The following CORO1C variants were observed in gnomAD, a reference collection of about 807,000 sequenced individuals.
CORO1C encodes coronin 1C.
A neutral mutation model predicts 51.2 loss-of-function variants in CORO1C; 14 were observed. The observed-to-expected ratio is 0.27, with a 90% confidence interval of 0.18 to 0.43. The LOEUF is 0.43. Among genes scored for constraint, CORO1C ranks in the 20% least tolerant of loss-of-function variants. The pLI is 1.00. For synonymous variants in CORO1C, 181 were observed against 210.5 expected, an observed-to-expected ratio of 0.86 and a Z score of 1.21; for missense variants, 417 against 607.8, an observed-to-expected ratio of 0.69 and a Z score of 3.30.
Position 108,647,324 on chromosome 12 carries a change from C to G in CORO1C, c.*79G>C, listed in dbSNP as rs1381021697. Reference sequence around the variant, plus strand: ...ATGGCAGTGCCTCCCTTTCCGCCCTCCCTAGGACCACACCAATAACCAGCT... The same window carrying G: ...ATGGCAGTGCCTCCCTTTCCGCCCTGCCTAGGACCACACCAATAACCAGCT... On this transcript the variant is annotated 3_prime_UTR_variant, in exon 11 of 11. Transcript: ENST00000261401. 1.1e-5 allele frequency: 17 copies of G among 1,482,278 alleles called. No homozygotes were observed. The highest frequency in any genetic ancestry group is 1.8e-4 in the Middle Eastern group (1 of 5,654). 91.8% of individuals were successfully genotyped at this position (1,482,278 alleles called of 1,614,324 possible).
In CORO1C at chr12:108,658,692, C is replaced by CGAGTT. The variant is rs2033128280; in HGVS notation, c.630+45_630+46insAACTC. 1.9e-6 allele frequency: 3 copies of CGAGTT among 1,583,594 alleles called. No individual in the cohort carries two copies. Among genetic ancestry groups the CGAGTT allele is most frequent in the Non-Finnish European group, 2.6e-6 (3 of 1,154,750 alleles). On this transcript the variant is annotated intron_variant, in intron 5 of 10. Coordinates refer to ENST00000261401, the MANE Select transcript of CORO1C (RefSeq NM_014325.4). The surrounding 1 kb of genome is among the most constrained non-coding windows in gnomAD (Gnocchi z 4.9). ...CCTTAAAAAGCAGAAAGCTCACACT[C>CGAGTT]ACTCAAGTGCTCCAACTACTGAGTT... is the stretch of plus-strand genomic sequence containing the variant.
chr12:108,710,387 T>C (rs2136875295), intron 1 of CORO1C, among the ~76,000 whole-genome samples: 1 of 152,180 alleles, frequency 6.6e-6, no homozygotes, highest in South Asian at 2.1e-4. Context: ...TGTTTTCACT[T>C]TAAAAAGAAA....
chr12:108,702,953 G>A, intron 1 of CORO1C: 1 of 1,529,432 alleles, frequency 6.5e-7, no homozygotes, highest in Non-Finnish European at 8.7e-7. Flanking sequence ...CATACATTTT[G>A]AGTCTTTGGT....
intron 2 of CORO1C, among the ~76,000 whole-genome samples, chr12:108,695,334 C>A (rs547848640): frequency 6.6e-6 from 1 of 152,228 alleles, no homozygotes; most frequent in South Asian, 2.1e-4. Flanking sequence ...ACAGGCTAGC[C>A]CTATTCAGTG....
At chr12:108,700,399 T>C (rs1217992150) in intron 2 of CORO1C, among the ~76,000 whole-genome samples, 1 of 152,188 alleles carries the variant, frequency 6.6e-6, no homozygotes, top group Non-Finnish European at 1.5e-5. Flanking sequence ...GCAGTATTCA[T>C]GATTGGTCAG....
intron 4 of CORO1C, among the ~76,000 whole-genome samples, chr12:108,661,558 G>GTTCT (rs2033262402): frequency 1.3e-5 from 2 of 151,998 alleles, no homozygotes; most frequent in South Asian, 4.1e-4. Flanking sequence ...GTTTATATAT[G>GTTCT]TTCTCTACAG....
Position 108,648,669 on chromosome 12 carries a change from G to A in CORO1C, c.1241C>T (p.Pro414Leu). Reference protein sequence around the residue: ...VVKKNILDSKPTANKKCDLIS... With the variant: ...VVKKNILDSKLTANKKCDLIS... ...CAGGTCGCACTTCTTGTTTGCAGTG[G>A]GCTTGCTATCCAGAATGTTCTTCTT... The change falls in exon 10 of 11, where the codon CCC (proline) becomes CTC (leucine). Residue 414 changes from proline (P) to leucine (L), a missense_variant. Coordinates refer to ENST00000261401, the MANE Select transcript of CORO1C (RefSeq NM_014325.4). 6.2e-7 allele frequency: 1 copy of A among 1,614,126 alleles called. No individual in the cohort carries two copies. Among genetic ancestry groups the A allele is most frequent in the South Asian group, 1.1e-5 (1 of 91,070 alleles).
intron 3 of CORO1C, among the ~76,000 whole-genome samples, chr12:108,671,033 T>C (rs571266789): frequency 7.1e-6 from 1 of 141,596 alleles, no homozygotes; most frequent in African/African-American, 2.6e-5. Flanking sequence ...AAAAAAAGAA[T>C]AAAAAAAAAA....
chr12:108,667,258 CATT>C (rs1403750329), intron 3 of CORO1C, among the ~76,000 whole-genome samples: 1 of 152,188 alleles, frequency 6.6e-6, no homozygotes, highest in East Asian at 1.9e-4. Flanking sequence ...CCCAAGATAT[CATT>C]ATGTGTGAAA....
At chr12:108,654,996 C>T (rs1313684725) in intron 6 of CORO1C, among the ~76,000 whole-genome samples, 2 of 152,098 alleles carry the variant, frequency 1.3e-5, no homozygotes, top group East Asian at 1.9e-4. Flanking sequence ...ATGGCCACTG[C>T]GCCTACCCTA....
At chr12:108,683,477 C>G (rs903982283) in intron 2 of CORO1C, among the ~76,000 whole-genome samples, 2 of 71,368 alleles carry the variant, frequency 2.8e-5, no homozygotes, top group South Asian at 6.4e-4. Flanking sequence ...ATAACAAAAT[C>G]AACTAAACTG....
intron 3 of CORO1C, among the ~76,000 whole-genome samples, chr12:108,673,145 G>T (rs781016351): frequency 7.2e-5 from 11 of 152,172 alleles, no homozygotes; most frequent in Non-Finnish European, 1.6e-4. Context: ...AAAGCTAAGC[G>T]CCTCTTAAGC....
chr12:108,692,920 C>A (rs1182848394), intron 2 of CORO1C, among the ~76,000 whole-genome samples: 2 of 151,160 alleles, frequency 1.3e-5, no homozygotes, highest in Non-Finnish European at 2.9e-5. Context: ...GTCTCAGCCT[C>A]CCGATTAGCT....
At chr12:108,699,340 G>A (rs1005337166) in intron 2 of CORO1C, among the ~76,000 whole-genome samples, 5 of 152,206 alleles carry the variant, frequency 3.3e-5, no homozygotes, top group African/African-American at 1.2e-4. Flanking sequence ...AACCTTTGTG[G>A]ATGTGAAAGT....
chr12:108,674,966 G>A (rs2033852824), intron 3 of CORO1C, among the ~76,000 whole-genome samples: 1 of 152,180 alleles, frequency 6.6e-6, no homozygotes, highest in East Asian at 1.9e-4. Flanking sequence ...GAAGTTCTAT[G>A]GCAGGTAAAA....
At chr12:108,727,516 C>T (rs1446600914) in intron 1 of CORO1C, among the ~76,000 whole-genome samples, 3 of 152,206 alleles carry the variant, frequency 2.0e-5, no homozygotes, top group Non-Finnish European at 4.4e-5. Context: ...ATTAAGGAGT[C>T]TGAACTTTAT....
At chr12:108,672,813 G>C (rs182051698) in intron 3 of CORO1C, among the ~76,000 whole-genome samples, 1 of 152,242 alleles carries the variant, frequency 6.6e-6, no homozygotes, top group African/African-American at 2.4e-5. Flanking sequence ...CTGTTACAGT[G>C]ATCAGTAATG....
chr12:108,650,979 G>C (rs2032622471), intron 8 of CORO1C, among the ~76,000 whole-genome samples: 1 of 151,990 alleles, frequency 6.6e-6, no homozygotes, highest in Non-Finnish European at 1.5e-5. Context: ...GTTTGTTTGA[G>C]ACGGAGTCTC....
chr12:108,705,848 T>C (rs1376092130), intron 1 of CORO1C, among the ~76,000 whole-genome samples: 1 of 152,044 alleles, frequency 6.6e-6, no homozygotes, highest in Non-Finnish European at 1.5e-5. Flanking sequence ...TAACACATTA[T>C]ATCAATAGAA....
Sources: gnomAD v4.1 joint callset for allele counts (sites outside exome capture counted in the v4.1 genomes callset) on GRCh38, gnomAD v4.1.1 for gene constraint, Gnocchi (gnomAD v3.1) non-coding constraint, MANE v1.5 for transcripts, NCBI Gene and HGNC (gene_info 2026-07-23, HGNC 2026-07-21) for gene names.